The following ATP2B1 variants were observed in gnomAD, a reference collection of about 807,000 sequenced individuals.
The protein encoded by ATP2B1 is ATPase plasma membrane Ca2+ transporting 1, also known as plasma membrane calcium-transporting ATPase 1.
Under a neutral mutation model 124.2 loss-of-function variants are expected in ATP2B1, and 14 were observed. That is an observed-to-expected ratio of 0.11 (90% CI 0.07 to 0.18). ATP2B1 has a LOEUF of 0.18. Among genes scored for constraint, ATP2B1 ranks in the 10% least tolerant of loss-of-function variants. The probability of loss-of-function intolerance (pLI) is 1.00; values close to 1 mark genes in which losing one functional copy is unlikely to be tolerated. For missense variants in ATP2B1, 763 were observed against 1,466.1 expected, an observed-to-expected ratio of 0.52 and a Z score of 7.83; for synonymous variants, 449 against 492.4, an observed-to-expected ratio of 0.91 and a Z score of 1.17.
intron 20 of ATP2B1, among the ~76,000 whole-genome samples, chr12:89,597,849 G>T (rs534522289): frequency 2.6e-4 from 40 of 151,654 alleles, no homozygotes; most frequent in African/African-American, 9.4e-4. Context: ...ACATTTATTG[G>T]TTCAACGATT....
At chr12:89,591,407 C>T (rs1873536734) in intron 20 of ATP2B1, 112 bp from the exon 21 acceptor site, 7 of 920,102 alleles carry the variant, frequency 7.6e-6, no homozygotes, top group Non-Finnish European at 1.1e-5. Context: ...ATCATATTTG[C>T]ATGTAATGCA....
At chr12:89,675,026 C>T (rs1178760707) in intron 1 of ATP2B1, among the ~76,000 whole-genome samples, 12 of 152,146 alleles carry the variant, frequency 7.9e-5, no homozygotes, top group Non-Finnish European at 1.3e-4. Flanking sequence ...AAAGCTCTTA[C>T]AGGTATTTCA....
At chr12:89,619,786 T>C (rs1031574861) in intron 11 of ATP2B1, among the ~76,000 whole-genome samples, 1 of 152,134 alleles carries the variant, frequency 6.6e-6, no homozygotes, top group Non-Finnish European at 1.5e-5. Flanking sequence ...TTATTTTCCC[T>C]ATAACAAAAT....
intron 1 of ATP2B1, among the ~76,000 whole-genome samples, chr12:89,664,725 G>GC (rs1403324897): frequency 6.6e-6 from 1 of 152,188 alleles, no homozygotes; most frequent in African/African-American, 2.4e-5. Context: ...GGTCTGGAGA[G>GC]CCACTACTGA....
chr12:89,628,107 A>G (rs1170311689), intron 6 of ATP2B1, among the ~76,000 whole-genome samples: 6 of 152,068 alleles, frequency 3.9e-5, no homozygotes, highest in Non-Finnish European at 7.4e-5. Context: ...GGATGTTATA[A>G]AACGACAACG....
chr12:89,681,623 C>CA (rs931504019), intron 1 of ATP2B1, among the ~76,000 whole-genome samples: 7 of 151,972 alleles, frequency 4.6e-5, no homozygotes, highest in African/African-American at 1.5e-4. Context: ...ACATTACTTA[C>CA]AAAAATTGAT....
At chr12:89,662,365 G>A (rs1354531213) in intron 1 of ATP2B1, among the ~76,000 whole-genome samples, 1 of 151,828 alleles carries the variant, frequency 6.6e-6, no homozygotes, top group African/African-American at 2.4e-5. Context: ...AAGAGCAGAT[G>A]GTCTATTATT....
At chr12:89,616,192 G>GGATA (rs1349631237) in intron 12 of ATP2B1, among the ~76,000 whole-genome samples, 1 of 151,938 alleles carries the variant, frequency 6.6e-6, no homozygotes, top group Non-Finnish European at 1.5e-5. Flanking sequence ...TAGTACCTTA[G>GGATA]GATAGTGCCT....
At chr12:89,616,080 G>T (rs907561711) in intron 12 of ATP2B1, among the ~76,000 whole-genome samples, 1 of 152,240 alleles carries the variant, frequency 6.6e-6, no homozygotes, top group South Asian at 2.1e-4. Context: ...ACCCAGCAAG[G>T]TAGTAATATC....
chr12:89,687,102 T>C (rs1163126325), intron 1 of ATP2B1, among the ~76,000 whole-genome samples: 1 of 152,100 alleles, frequency 6.6e-6, no homozygotes, highest in Non-Finnish European at 1.5e-5. Flanking sequence ...TTACATAGCA[T>C]TTAATTATGT....
intron 1 of ATP2B1, among the ~76,000 whole-genome samples, chr12:89,681,035 T>TA (rs1337905712): frequency 6.6e-6 from 1 of 152,158 alleles, no homozygotes; most frequent in Non-Finnish European, 1.5e-5. Flanking sequence ...AGGAATTTAT[T>TA]AGAGAGTGAA....
At chr12:89,691,216 TA>T (rs1373313132) in intron 1 of ATP2B1, among the ~76,000 whole-genome samples, 1 of 152,088 alleles carries the variant, frequency 6.6e-6, no homozygotes, top group Non-Finnish European at 1.5e-5. Flanking sequence ...AGGGCTATTA[TA>T]TGGATTAAAT....
In ATP2B1 at chr12:89,616,465, C is replaced by G. The variant is rs141712758; in HGVS notation, c.2067+337G>C. 8.8e-3 allele frequency among the ~76,000 whole-genome samples: 1,347 copies of G among 152,224 alleles called. 12 individuals carry two copies. The highest frequency in any genetic ancestry group is 0.015 in the Non-Finnish European group (997 of 68,010). ...AACATTCCTATTATCACAGAAAGCT[C>G]TACTAGACAATGCTAGTCTAGAGAC... On this transcript the variant is annotated intron_variant, in intron 12 of 20. Coordinates refer to ENST00000428670, the MANE Select transcript of ATP2B1 (RefSeq NM_001366521.1).
intron 2 of ATP2B1, among the ~76,000 whole-genome samples, chr12:89,650,042 T>C (rs550838292): frequency 6.6e-6 from 1 of 152,332 alleles, no homozygotes; most frequent in African/African-American, 2.4e-5. Flanking sequence ...CCATGCTTCC[T>C]GTACAGCCTT....
chr12:89,610,127 T>C (rs1250039081), intron 14 of ATP2B1, 84 bp from the exon 15 acceptor site: 20 of 1,235,178 alleles, frequency 1.6e-5, no homozygotes, highest in African/African-American at 4.6e-5. Context: ...GTCGGTTTTA[T>C]AGACTCAAGG....
intron 1 of ATP2B1, among the ~76,000 whole-genome samples, chr12:89,677,252 C>T (rs549308040): frequency 1.3e-5 from 2 of 152,216 alleles, no homozygotes; most frequent in East Asian, 3.9e-4. Flanking sequence ...TTTTGAGATA[C>T]TCCTAGGCAG....
intron 11 of ATP2B1, among the ~76,000 whole-genome samples, chr12:89,617,993 T>C (rs772241207): frequency 6.6e-6 from 1 of 152,166 alleles, no homozygotes; most frequent in Non-Finnish European, 1.5e-5. Flanking sequence ...CTCCTTTTTA[T>C]TTCTCCTGCT....
At chr12:89,652,242 C>T (rs1310522447) in intron 2 of ATP2B1, among the ~76,000 whole-genome samples, 1 of 152,208 alleles carries the variant, frequency 6.6e-6, no homozygotes, top group Non-Finnish European at 1.5e-5. Flanking sequence ...TACAAAATTT[C>T]AGCAATTCTA....
At chr12:89,639,508 T>C (rs942918488) in intron 3 of ATP2B1, among the ~76,000 whole-genome samples, 3 of 151,402 alleles carry the variant, frequency 2.0e-5, no homozygotes, top group Admixed American at 2.0e-4. Context: ...TGTCTCAATA[T>C]ATATATAGTC....
Sources: allele counts gnomAD v4.1 joint callset (sites outside exome capture counted in the v4.1 genomes callset), GRCh38; gene constraint gnomAD v4.1.1; transcripts MANE v1.5; gene names NCBI Gene and HGNC (gene_info 2026-07-23, HGNC 2026-07-21).